Variants in IL19 observed in about 807,000 individuals in gnomAD.
The protein encoded by IL19 is interleukin-19.
A neutral mutation model predicts 19.5 loss-of-function variants in IL19; 15 were observed. The observed-to-expected ratio is 0.77, with a 90% CI of 0.52 to 1.19. IL19 has a LOEUF of 1.19. Ranked by LOEUF, IL19 falls within the 50% of genes most tolerant of loss-of-function variation. IL19 has a pLI of 0.00. For missense variants in IL19, 199 were observed against 213.1 expected, an observed-to-expected ratio of 0.93 and a Z score of 0.41; for synonymous variants, 78 against 78.3, an observed-to-expected ratio of 1.00 and a Z score of 0.02.
intron 2 of IL19, chr1:206,828,972 G>A (rs564979675): frequency 1.3e-5 from 2 of 149,974 alleles, no homozygotes; most frequent in South Asian, 4.2e-4. Context: ...CTACAGGTGT[G>A]CATGAGGACT....
intron 2 of IL19, among the ~76,000 whole-genome samples, chr1:206,824,737 G>T (rs182417602): frequency 2.2e-4 from 34 of 152,328 alleles, no homozygotes; most frequent in Middle Eastern, 6.8e-3. Context: ...GCCAGCAAGT[G>T]TGAAAGTTAT....
chr1:206,839,790 C>T lies in IL19; in HGVS notation c.211-60C>T, dbSNP rs998440219. On this transcript the variant is annotated intron_variant, in intron 4 of 6. Transcript: ENST00000659997. Reference sequence around the variant, plus strand: ...CGCTGCCCCTACTCAAATGGACTGCCCTGGTCTCCAACATAATGAGAGAAG... The same window carrying T: ...CGCTGCCCCTACTCAAATGGACTGCTCTGGTCTCCAACATAATGAGAGAAG... 9 of 1,476,336 alleles carry T rather than the reference C, an allele frequency of 6.1e-6. No individual in the cohort carries two copies. In the African/African-American group the frequency reaches 8.4e-5, roughly 14 times the overall value. The allele number at this position is 1,476,336 out of a possible 1,614,324, so 91.5% of individuals were successfully genotyped here. A position where few individuals can be genotyped will look rare whatever the true frequency, so the allele number is the denominator to read the frequency against.
intron 1 of IL19, among the ~76,000 whole-genome samples, chr1:206,789,316 C>T (rs562330173): frequency 6.6e-6 from 1 of 152,162 alleles, no homozygotes; most frequent in African/African-American, 2.4e-5. Flanking sequence ...ACATTGTACC[C>T]AACAGGTAAT....
chr1:206,783,529 T>C (rs1675195109), intron 1 of IL19, among the ~76,000 whole-genome samples: 1 of 152,174 alleles, frequency 6.6e-6, no homozygotes, highest in African/African-American at 2.4e-5. Flanking sequence ...TGGTATCAGG[T>C]AGTCAACTGG....
chr1:206,772,562 C>A (rs1166455062), intron 1 of IL19: 4 of 872,106 alleles, frequency 4.6e-6, no homozygotes, highest in African/African-American at 1.7e-5. Flanking sequence ...CATTAAAAAG[C>A]CACAATCAAG....
intron 2 of IL19, among the ~76,000 whole-genome samples, chr1:206,820,835 C>T (rs1356701513): frequency 1.3e-5 from 2 of 152,204 alleles, no homozygotes; most frequent in Non-Finnish European, 2.9e-5. Flanking sequence ...AAACACTGCC[C>T]ATATTGACCA....
At chr1:206,782,155 A>G (rs1473822772) in intron 1 of IL19, among the ~76,000 whole-genome samples, 1 of 151,380 alleles carries the variant, frequency 6.6e-6, no homozygotes, top group Admixed American at 6.6e-5. Flanking sequence ...ACAATAATAA[A>G]CCCTTACATG....
intron 2 of IL19, among the ~76,000 whole-genome samples, chr1:206,819,476 C>T (rs528443684): frequency 6.6e-6 from 1 of 151,280 alleles, no homozygotes; most frequent in Admixed American, 6.6e-5. Context: ...TCTAGCTACT[C>T]GGGAGGCTGA....
At chr1:206,822,912 A>G (rs1196975492) in intron 2 of IL19, among the ~76,000 whole-genome samples, 7 of 150,752 alleles carry the variant, frequency 4.6e-5, no homozygotes, top group Non-Finnish European at 1.0e-4. Context: ...ATTTCACTGC[A>G]TGGATCCTTT....
chr1:206,835,094 G>A (rs1676740040), intron 2 of IL19, among the ~76,000 whole-genome samples: 1 of 152,200 alleles, frequency 6.6e-6, no homozygotes. Context: ...GTCTGGAATT[G>A]CCTCACCAAG....
intron 2 of IL19, among the ~76,000 whole-genome samples, chr1:206,808,298 C>T (rs1330135375): frequency 1.3e-5 from 2 of 152,204 alleles, no homozygotes; most frequent in South Asian, 2.1e-4. Flanking sequence ...CTACTGCACT[C>T]CAGCCTGAGA....
chr1:206,821,588 G>C (rs1676291576), intron 2 of IL19, among the ~76,000 whole-genome samples: 1 of 152,242 alleles, frequency 6.6e-6, no homozygotes, highest in Non-Finnish European at 1.5e-5. Flanking sequence ...GACTAACAGA[G>C]TCTGCATGTG....
intron 2 of IL19, among the ~76,000 whole-genome samples, chr1:206,826,696 A>G (rs1433245955): frequency 6.6e-6 from 1 of 152,224 alleles, no homozygotes; most frequent in Non-Finnish European, 1.5e-5. Flanking sequence ...TTTAACAATA[A>G]GAGGAAAAAA....
At chr1:206,799,130 T>G in intron 2 of IL19, 124 bp downstream of exon 2, 1 of 718,096 alleles carries the variant, frequency 1.4e-6, no homozygotes. Context: ...CAGGACTGCC[T>G]TTGTCTGTCA....
chr1:206,785,611 G>A (rs1427442169), intron 1 of IL19, among the ~76,000 whole-genome samples: 2 of 152,226 alleles, frequency 1.3e-5, no homozygotes, highest in Admixed American at 6.5e-5. Flanking sequence ...AGAGGGGAAA[G>A]TGCAGAGGGA....
At chr1:206,792,882 C>T (rs1675441017) in intron 1 of IL19, among the ~76,000 whole-genome samples, 1 of 152,182 alleles carries the variant, frequency 6.6e-6, no homozygotes, top group African/African-American at 2.4e-5. Flanking sequence ...GGCAGTGTGG[C>T]TGCAGAGGCC....
intron 1 of IL19, among the ~76,000 whole-genome samples, chr1:206,787,913 T>C (rs1675303996): frequency 6.6e-6 from 1 of 152,166 alleles, no homozygotes; most frequent in Non-Finnish European, 1.5e-5. Flanking sequence ...CTGCACCATG[T>C]GGTGCAGCCC....
intron 2 of IL19, among the ~76,000 whole-genome samples, chr1:206,824,636 A>G (rs1425785610): frequency 2.6e-5 from 4 of 152,222 alleles, no homozygotes; most frequent in African/African-American, 9.6e-5. Context: ...TCACAGAGCT[A>G]GTAAGAGTAG....
chr1:206,807,016 G>A (rs557727345), intron 2 of IL19, among the ~76,000 whole-genome samples: 1 of 152,256 alleles, frequency 6.6e-6, no homozygotes, highest in South Asian at 2.1e-4. Flanking sequence ...GCAGGGCTGG[G>A]GAGGCCTCAG....
Sources: gnomAD v4.1 joint callset for allele counts (sites outside exome capture counted in the v4.1 genomes callset) on GRCh38, gnomAD v4.1.1 for gene constraint, MANE v1.5 for transcripts, NCBI Gene and HGNC (gene_info 2026-07-23, HGNC 2026-07-21) for gene names.